The following MGST2 variants were observed in gnomAD, a reference collection of about 807,000 sequenced individuals.
MGST2 encodes glutathione peroxidase MGST2.
Under a neutral mutation model 16.6 loss-of-function variants are expected in MGST2, and 9 were observed. The ratio of observed to expected loss-of-function variants is 0.54; its 90% CI spans 0.33 to 0.95. The LOEUF (loss-of-function observed/expected upper bound fraction) is 0.95, where lower values mean the gene tolerates loss of function less well. Ranked by LOEUF, MGST2 falls within the 40% of genes least tolerant of loss-of-function variation. The probability of loss-of-function intolerance (pLI) is 0.03; values close to 1 mark genes in which losing one functional copy is unlikely to be tolerated. For missense variants in MGST2, 159 were observed against 175.1 expected (o/e 0.91, Z 0.52); for synonymous variants, 79 against 68.0 (o/e 1.16, Z -0.79).
chr4:139,695,226 T>A lies in MGST2; in HGVS notation c.188T>A (p.Phe63Tyr). The change falls in exon 3 of 5, where the codon TTC (phenylalanine) becomes TAC (tyrosine). Residue 63 changes from phenylalanine (F) to tyrosine (Y), a missense_variant. Coordinates refer to ENST00000265498, the MANE Select transcript of MGST2 (RefSeq NM_002413.5). ...QQNCVEFYPI[F>Y]IITLWMAGWY... ...AACTGTGTGGAGTTTTATCCTATAT[T>A]CATAATTACATTGTGGATGGCTGGG... is the stretch of plus-strand genomic sequence containing the variant. The A allele has an allele frequency of 6.2e-7, 1 of 1,613,482 alleles. No homozygotes were observed. Among genetic ancestry groups the A allele is most frequent in the Non-Finnish European group, 8.5e-7 (1 of 1,179,344 alleles).
chr4:139,676,216 T>A (rs1730949746), intron 1 of MGST2, among the ~76,000 whole-genome samples: 1 of 152,210 alleles, frequency 6.6e-6, no homozygotes, highest in South Asian at 2.1e-4. Flanking sequence ...ATTCACTCAT[T>A]TTTGGGGGGT....
downstream of MGST2, among the ~76,000 whole-genome samples, chr4:139,742,731 C>T (rs1373902249): frequency 6.6e-6 from 1 of 152,140 alleles, no homozygotes; most frequent in East Asian, 1.9e-4. Flanking sequence ...TGAAATGAGA[C>T]CCTAGAATAA....
chr4:139,750,980 C>T, the MGST2 span, among the ~76,000 whole-genome samples: 3 of 152,190 alleles, frequency 2.0e-5, no homozygotes, highest in Non-Finnish European at 4.4e-5. Flanking sequence ...GAACACCTGG[C>T]AAGCTGCCTC....
intron 2 of MGST2, among the ~76,000 whole-genome samples, chr4:139,691,759 C>T (rs191086396): frequency 2.6e-5 from 4 of 152,122 alleles, no homozygotes; most frequent in East Asian, 1.9e-4. Context: ...AGTGCAGTGG[C>T]GTGATCTCGG....
chr4:139,714,730 A>T (rs967248841), intron 5 of MGST2, among the ~76,000 whole-genome samples: 1 of 152,122 alleles, frequency 6.6e-6, no homozygotes, highest in Non-Finnish European at 1.5e-5. Flanking sequence ...AGAGAGAGAA[A>T]AACATTGCCT....
intron 2 of MGST2, among the ~76,000 whole-genome samples, chr4:139,692,354 A>G (rs542959429): frequency 3.7e-4 from 57 of 152,130 alleles, no homozygotes; most frequent in Non-Finnish European, 7.1e-4. Flanking sequence ...CATCTTCCCA[A>G]TTCCTTCTGG....
chr4:139,702,853 T>G (rs909675703), intron 3 of MGST2, among the ~76,000 whole-genome samples: 1 of 137,274 alleles, frequency 7.3e-6, no homozygotes, highest in Non-Finnish European at 1.6e-5. Context: ...GGTTTTTTTT[T>G]TTTTTTTTTT....
At chr4:139,722,168 A>G (rs4863507) in intron 5 of MGST2, among the ~76,000 whole-genome samples, 59,609 of 152,038 alleles carry the variant, frequency 0.39, 12,611 homozygotes, top group African/African-American at 0.55. Flanking sequence ...TTTAGAGGGC[A>G]GAAGCGTTAC....
At chr4:139,753,833 C>T in the MGST2 span, among the ~76,000 whole-genome samples, 1 of 152,040 alleles carries the variant, frequency 6.6e-6, no homozygotes, top group African/African-American at 2.4e-5. Flanking sequence ...CCAAGACGCA[C>T]GGGTATGGCT....
the MGST2 span, among the ~76,000 whole-genome samples, chr4:139,746,090 G>T: frequency 2.6e-5 from 4 of 152,176 alleles, no homozygotes; most frequent in Non-Finnish European, 5.9e-5. Flanking sequence ...CATAACAAAT[G>T]TGATAACTAA....
chr4:139,739,682 T>TC lies in MGST2; in HGVS notation c.*49-530_*49-529insC, dbSNP rs58864079. Among the ~76,000 whole-genome samples, 8 of 143,858 alleles carry TC rather than the reference T, an allele frequency of 5.6e-5. No individual in the cohort carries two copies. The South Asian group carries it at 1.4e-3, about 24-fold the overall frequency. The allele number at this position is 143,858 out of a possible 152,430, so 94.4% of individuals were successfully genotyped here. ...AGAAAGGCAGGGGAGGAAAGCAGTT[T>TC]TTTTTTTTTTTTCTTTTATGTCCTC... On this transcript the variant is annotated intron_variant, in intron 5 of 5. Transcript: ENST00000616265.
At chr4:139,692,841 T>G (rs1433787005) in intron 2 of MGST2, among the ~76,000 whole-genome samples, 1 of 152,230 alleles carries the variant, frequency 6.6e-6, no homozygotes, top group African/African-American at 2.4e-5. Context: ...TTCTGCCCTC[T>G]GCAGTGCAGT....
chr4:139,707,625 C>T (rs1345779986), downstream of MGST2, among the ~76,000 whole-genome samples: 10 of 150,042 alleles, frequency 6.7e-5, no homozygotes, highest in East Asian at 3.9e-4. Flanking sequence ...CCTGAGGAAT[C>T]GCCACACTGA....
At chr4:139,702,548 T>A (rs1727305981) in intron 3 of MGST2, among the ~76,000 whole-genome samples, 1 of 152,196 alleles carries the variant, frequency 6.6e-6, no homozygotes, top group Admixed American at 6.5e-5. Flanking sequence ...TTGAATAGAC[T>A]CTATCACAGC....
At position 139,730,442 on chromosome 4, in the gene MGST2, GC is replaced by G. The variant is rs1728655488; in HGVS notation, c.*49-9769del. The G allele has an allele frequency of 3.9e-6, 6 of 1,550,002 alleles. No individual in the cohort carries two copies. The Middle Eastern group carries it at 8.3e-4, about 215-fold the overall frequency. On this transcript the variant is annotated intron_variant, in intron 5 of 5. Transcript: ENST00000616265. Reference sequence around the variant, plus strand: ...TGTTCCGCCAAAATCTGCTGCTGCTGCTGCTGCTGCTGCTGCCTTTGCTCCC... The same window carrying G: ...TGTTCCGCCAAAATCTGCTGCTGCTGTGCTGCTGCTGCTGCCTTTGCTCCC...
Position 139,686,390 on chromosome 4 carries a change from G to A in MGST2, c.158+7748G>A, listed in dbSNP as rs143545624. Among the ~76,000 whole-genome samples, 274 of 152,326 alleles carry A rather than the reference G, an allele frequency of 1.8e-3. 1 individual carries two copies. Among genetic ancestry groups the A allele is most frequent in the African/African-American group, 6.0e-3 (249 of 41,572 alleles). On this transcript the variant is annotated intron_variant, in intron 2 of 4. Transcript: ENST00000265498. ...TATCAGCCTTAAAGTCTGTGTTGCT[G>A]TGAATGCTGAAGAGGTATAAGGGGG...
chr4:139,707,708 C>T (rs1222357240), downstream of MGST2, among the ~76,000 whole-genome samples: 1 of 150,400 alleles, frequency 6.6e-6, no homozygotes, highest in African/African-American at 2.4e-5. Flanking sequence ...CACATCCTCT[C>T]CAGCACCTGT....
Position 139,729,232 on chromosome 4 carries a change from C to G in MGST2, c.*49-10980C>G, listed in dbSNP as rs535551691. ...GTACAATTTTTCTCTTTGGGGGATGCCTGGTGTTACTTTGAACTGCTATTC... is the reference window on the plus strand; with the variant it reads ...GTACAATTTTTCTCTTTGGGGGATGGCTGGTGTTACTTTGAACTGCTATTC... On this transcript the variant is annotated intron_variant, in intron 5 of 5. Coordinates refer to the MGST2 transcript ENST00000616265. 6.7e-5 allele frequency among the ~76,000 whole-genome samples: 10 copies of G among 150,302 alleles called. No individual in the cohort carries two copies. In the South Asian group the frequency reaches 1.9e-3, roughly 29 times the overall value.
chr4:139,715,920 A>G lies in MGST2; in HGVS notation c.*48+11724A>G, dbSNP rs1315114416. On this transcript the variant is annotated intron_variant, in intron 5 of 5. Coordinates refer to the MGST2 transcript ENST00000616265. This position sits in a 1 kb window ranked among gnomAD's most constrained non-coding sequence, Gnocchi z 4.4. ...CTGGGAATGCAGCCCAGTAGGTTTC[A>G]GTCTCATTTTACCCAGCTCCTATTT... 1.3e-5 allele frequency among the ~76,000 whole-genome samples: 2 copies of G among 152,176 alleles called. No homozygotes were observed. The highest frequency in any genetic ancestry group is 6.5e-5 in the Admixed American group (1 of 15,280).
Sources: gnomAD v4.1 joint callset for allele counts (sites outside exome capture counted in the v4.1 genomes callset) on GRCh38, gnomAD v4.1.1 for gene constraint, Gnocchi (gnomAD v3.1) non-coding constraint, MANE v1.5 for transcripts, NCBI Gene and HGNC (gene_info 2026-07-23, HGNC 2026-07-21) for gene names.